PNPLA8: variants seen among roughly 807,000 people sequenced by gnomAD.
PNPLA8 encodes calcium-independent phospholipase A2-gamma.
Under a neutral mutation model 76.9 loss-of-function variants are expected in PNPLA8, and 39 were observed. The observed-to-expected ratio is 0.51, with a 90% CI of 0.39 to 0.66. PNPLA8 has a LOEUF of 0.66. Among genes scored for constraint, PNPLA8 ranks in the 30% least tolerant of loss-of-function variants. The pLI is 0.00. For missense variants in PNPLA8, 887 were observed against 918.0 expected, an observed-to-expected ratio of 0.97 and a Z score of 0.44; for synonymous variants, 301 against 307.9, an observed-to-expected ratio of 0.98 and a Z score of 0.24.
chr7:108,479,450 C>G (rs902731988), intron 9 of PNPLA8, 71 bp from the exon 10 acceptor site: 12 of 1,036,474 alleles, frequency 1.2e-5, no homozygotes, highest in South Asian at 1.6e-5. Context: ...ATGTAATAAG[C>G]TAAATAAATT....
chr7:108,497,617 A>C, intron 5 of PNPLA8, 40 bp from the exon 6 acceptor site: 1 of 1,211,706 alleles, frequency 8.3e-7, no homozygotes, highest in Non-Finnish European at 1.2e-6. Context: ...ATTCCTGTTT[A>C]AAGAAAAAAT....
chr7:108,514,260 G>A lies in PNPLA8; in HGVS notation c.1090C>T (p.Arg364Trp), dbSNP rs548918238. 1.6e-5 allele frequency: 25 copies of A among 1,611,872 alleles called. No homozygotes were observed. The highest frequency in any genetic ancestry group is 4.4e-5 in the South Asian group (4 of 91,032). ...CTTCTTAATGCCTGAACTAATGCCC[G>A]GGTCCTGTTATCAATACTCACCCTT... ...IARVSIDNRT[R>W]ALVQALRRTT... Residue 364 changes from arginine (R) to tryptophan (W), a missense_variant, in exon 4 of 11, where the codon CGG becomes TGG. Physicochemically the swap from Arg to Trp is moderately radical, Grantham distance 101. Transcript: ENST00000257694.
chr7:108,487,359 A>T (rs1860808512), intron 9 of PNPLA8, among the ~76,000 whole-genome samples: 1 of 152,194 alleles, frequency 6.6e-6, no homozygotes, highest in Non-Finnish European at 1.5e-5. Flanking sequence ...ATGAGTATTT[A>T]CTATTATTTT....
chr7:108,490,782 TC>T (rs1287206126), intron 8 of PNPLA8, among the ~76,000 whole-genome samples: 2 of 144,352 alleles, frequency 1.4e-5, no homozygotes, highest in Non-Finnish European at 3.0e-5. Context: ...AGACTCCGTC[TC>T]AAAAAAAAAA....
At chr7:108,510,409 A>G in intron 4 of PNPLA8, 1 of 1,512,270 alleles carries the variant, frequency 6.6e-7, no homozygotes, top group Non-Finnish European at 9.1e-7. Flanking sequence ...ATCACAGGGA[A>G]TATAGGCAGA....
chr7:108,509,920 C>A (rs1322180155), intron 4 of PNPLA8, among the ~76,000 whole-genome samples: 4 of 144,164 alleles, frequency 2.8e-5, no homozygotes, highest in African/African-American at 7.9e-5. Flanking sequence ...AGTAAACTAT[C>A]GCAAGAACAA....
In PNPLA8 at chr7:108,487,934, A is replaced by G. The variant is rs756351922; in HGVS notation, c.1703T>C (p.Ile568Thr). 6.2e-7 allele frequency: 1 copy of G among 1,610,118 alleles called. No homozygotes were observed. Among genetic ancestry groups the G allele is most frequent in the Non-Finnish European group, 8.5e-7 (1 of 1,177,152 alleles). The change falls in exon 9 of 11, where the codon ATA becomes ACA. Residue 568 changes from isoleucine to threonine, a missense_variant. Coordinates refer to ENST00000257694, the MANE Select transcript of PNPLA8 (RefSeq NM_001256007.3). ...TCPKVAAVSTIVNRGITPKAF... is the reference protein window; with the variant it reads ...TCPKVAAVSTTVNRGITPKAF... ...TTTGGGTGTTATCCCTCTATTTACT[A>G]TGGTACTTACAGCAGCTACCTAGTG...
chr7:108,478,720 G>C (rs1299220463), intron 10 of PNPLA8, among the ~76,000 whole-genome samples: 2 of 152,070 alleles, frequency 1.3e-5, no homozygotes, highest in African/African-American at 4.8e-5. Context: ...GATGACTTTG[G>C]TCTCTGTATG....
chr7:108,497,153 G>C (rs1052554782), intron 6 of PNPLA8, among the ~76,000 whole-genome samples: 1 of 152,046 alleles, frequency 6.6e-6, no homozygotes, highest in Non-Finnish European at 1.5e-5. Context: ...TTTAGTCACA[G>C]AATATGGTAT....
intron 5 of PNPLA8, 85 bp from the exon 6 acceptor site, chr7:108,497,662 G>C: frequency 1.6e-6 from 1 of 642,310 alleles, no homozygotes; most frequent in East Asian, 3.3e-5. Flanking sequence ...TCTAATAATT[G>C]CTTTTAGAGT....
At position 108,491,381 on chromosome 7, in the gene PNPLA8, G is replaced by T. The variant is rs1407098574; in HGVS notation, c.1683+29C>A. ...TCACCAGACCTTCAGATGGAACTAG[G>T]TGTTATATTTAAGAGACTCTAAGCT... is the stretch of plus-strand genomic sequence containing the variant. On this transcript the variant is annotated intron_variant, in intron 8 of 10. Coordinates refer to ENST00000257694, the MANE Select transcript of PNPLA8 (RefSeq NM_001256007.3). 13 of 1,385,980 alleles carry T rather than the reference G, an allele frequency of 9.4e-6. No individual in the cohort carries two copies. In the South Asian group the frequency reaches 1.4e-4, roughly 15 times the overall value. 85.9% of individuals were successfully genotyped at this position (1,385,980 alleles called of 1,614,324 possible). A position where few individuals can be genotyped will look rare whatever the true frequency, so the allele number is the denominator to read the frequency against.
In PNPLA8 at chr7:108,487,749, G is replaced by A. The variant is rs765163577; in HGVS notation, c.1878+10C>T. The A allele has an allele frequency of 3.6e-5, 57 of 1,562,992 alleles. No individual in the cohort carries two copies. The East Asian group carries it at 1.2e-3, about 34-fold the overall frequency. ...AAATTTAAAAAAATAAGACATACAA[G>A]TCAACTTACTTGATGAAGATCATTT... is the stretch of plus-strand genomic sequence containing the variant. On this transcript the variant is annotated intron_variant, in intron 9 of 10. Coordinates refer to ENST00000257694, the MANE Select transcript of PNPLA8 (RefSeq NM_001256007.3).
At chr7:108,516,846 G>A (rs746702745) in intron 2 of PNPLA8, among the ~76,000 whole-genome samples, 2 of 152,054 alleles carry the variant, frequency 1.3e-5, no homozygotes. Flanking sequence ...AGGTTACAGC[G>A]AGCCAAGATC....
chr7:108,494,582 C>T (rs1186425866), intron 7 of PNPLA8, among the ~76,000 whole-genome samples: 1 of 152,114 alleles, frequency 6.6e-6, no homozygotes, highest in African/African-American at 2.4e-5. Flanking sequence ...TGCATATGTG[C>T]CACATTTTCT....
At chr7:108,510,177 TAAAAAA>T (rs377411888) in intron 4 of PNPLA8, 1 of 570,510 alleles carries the variant, frequency 1.8e-6, no homozygotes, top group Non-Finnish European at 2.8e-6. Context: ...TAAAGTATAA[TAAAAAA>T]AAAAAAAAAG....
At chr7:108,498,318 G>A (rs1861705683) in intron 5 of PNPLA8, among the ~76,000 whole-genome samples, 1 of 151,604 alleles carries the variant, frequency 6.6e-6, no homozygotes, top group Non-Finnish European at 1.5e-5. Context: ...CCAGGCTGGA[G>A]TGCAGTGGCT....
chr7:108,488,963 T>C (rs1196233076), intron 8 of PNPLA8, among the ~76,000 whole-genome samples: 1 of 152,232 alleles, frequency 6.6e-6, no homozygotes, highest in Non-Finnish European at 1.5e-5. Flanking sequence ...TTCCTGTGAG[T>C]AATCCAAGTC....
chr7:108,520,801 G>C (rs968745335), intron 2 of PNPLA8, among the ~76,000 whole-genome samples: 2 of 151,912 alleles, frequency 1.3e-5, no homozygotes, highest in Non-Finnish European at 2.9e-5. Flanking sequence ...AACTGTGTGA[G>C]GTAATGCATA....
chr7:108,515,508 A>G lies in PNPLA8; in HGVS notation c.-17T>C. ...AATAGACATAACTTAAAAATCATTT[A>G]TTTTCTATGACATTCTCTCACTTCT... On this transcript the variant is annotated 5_prime_UTR_variant, in exon 3 of 11. Coordinates refer to ENST00000257694, the MANE Select transcript of PNPLA8 (RefSeq NM_001256007.3). 7.3e-7 allele frequency: 1 copy of G among 1,377,206 alleles called. No homozygotes were observed. Among genetic ancestry groups the G allele is most frequent in the South Asian group, 2.1e-5 (1 of 47,604 alleles). The allele number at this position is 1,377,206 out of a possible 1,614,324, so 85.3% of individuals were successfully genotyped here.
Sources: gnomAD v4.1 joint callset for allele counts (sites outside exome capture counted in the v4.1 genomes callset) on GRCh38, gnomAD v4.1.1 for gene constraint, MANE v1.5 for transcripts, NCBI Gene and HGNC (gene_info 2026-07-23, HGNC 2026-07-21) for gene names.